The following HTR3B variants were observed in gnomAD, a reference collection of about 807,000 sequenced individuals.
HTR3B encodes 5-hydroxytryptamine (serotonin) receptor 3B, ionotropic.
In HTR3B, 44 loss-of-function variants were observed where a neutral mutation model predicts 42.8. That is an observed-to-expected ratio of 1.03 (90% CI 0.81 to 1.32). The LOEUF is 1.32. HTR3B is among the 40% of genes most tolerant of loss of function. The probability of loss-of-function intolerance (pLI) is 0.00; values close to 1 mark genes in which losing one functional copy is unlikely to be tolerated. For synonymous variants in HTR3B, 203 were observed against 209.0 expected (o/e 0.97, Z 0.25); for missense variants, 527 against 536.5 (o/e 0.98, Z 0.17).
At chr11:113,927,422 G>T (rs763999749) in intron 2 of HTR3B, among the ~76,000 whole-genome samples, 7 of 152,028 alleles carry the variant, frequency 4.6e-5, no homozygotes, top group Non-Finnish European at 8.8e-5. Flanking sequence ...AAATACAGAA[G>T]AATATAATAC....
Position 113,943,025 on chromosome 11 carries a change from T to C in HTR3B, c.740T>C (p.Leu247Pro). The change falls in exon 7 of 9, where the codon CTG (leucine) becomes CCG (proline). Residue 247 changes from leucine to proline, a missense_variant. By Grantham distance (98) the Leu-to-Pro change is moderately conservative (BLOSUM62 -3). Coordinates refer to ENST00000260191, the MANE Select transcript of HTR3B (RefSeq NM_006028.5). Reference sequence around the variant, plus strand: ...CCCCTGGTCTATGTCGTGAGTCTGCTGATTCCTAGCATCTTTCTCATGCTG... The same window carrying C: ...CCCCTGGTCTATGTCGTGAGTCTGCCGATTCCTAGCATCTTTCTCATGCTG... The part of the protein sequence containing the change: ...RHPLVYVVSL[L>P]IPSIFLMLVD... 1 of 1,614,130 alleles carries C rather than the reference T, an allele frequency of 6.2e-7. No homozygotes were observed. Among genetic ancestry groups the C allele is most frequent in the Non-Finnish European group, 8.5e-7 (1 of 1,180,006 alleles).
rs954393165 is a variant in HTR3B, at chr11:113,946,450, G to A, written c.*313G>A. 5.7e-6 allele frequency: 1 copy of A among 176,732 alleles called. No homozygotes were observed. The highest frequency in any genetic ancestry group is 2.4e-5 in the African/African-American group (1 of 41,818). 10.9% of individuals were successfully genotyped at this position (176,732 alleles called of 1,614,324 possible). A position where few individuals can be genotyped will look rare whatever the true frequency, so the allele number is the denominator to read the frequency against. On this transcript the variant is annotated 3_prime_UTR_variant, in exon 9 of 9. Transcript: ENST00000260191. Reference sequence around the variant, plus strand: ...AGGTTGAGGTGGGAGGATTGCTTGAGCCCAGGATTTCAAGGCTGCAGTGAG... The same window carrying A: ...AGGTTGAGGTGGGAGGATTGCTTGAACCCAGGATTTCAAGGCTGCAGTGAG...
intron 6 of HTR3B, among the ~76,000 whole-genome samples, chr11:113,942,215 G>A (rs896526064): frequency 6.6e-6 from 1 of 152,142 alleles, no homozygotes; most frequent in Admixed American, 6.5e-5. Context: ...AGCAGAGCTT[G>A]CAGTGAGCCG....
intron 6 of HTR3B, among the ~76,000 whole-genome samples, chr11:113,937,977 G>A (rs1183833757): frequency 6.6e-6 from 1 of 152,186 alleles, no homozygotes; most frequent in Non-Finnish European, 1.5e-5. Flanking sequence ...CCTCTCCTCT[G>A]CCTCTGGTTG....
intron 5 of HTR3B, among the ~76,000 whole-genome samples, 181 bp downstream of exon 5, chr11:113,932,639 T>C (rs61907912): frequency 0.081 from 8,054 of 99,392 alleles, 271 homozygotes; most frequent in African/African-American, 0.16. Context: ...TAGGCCCCCA[T>C]AGTTGTTTTG....
In HTR3B at chr11:113,905,112, C is replaced by T. The variant is rs555167757; in HGVS notation, c.52+127C>T. The T allele has an allele frequency of 8.2e-5, 55 of 667,048 alleles. 3 individuals are homozygous for T. The South Asian group carries it at 1.0e-3, about 13-fold the overall frequency. The allele number at this position is 667,048 out of a possible 1,614,324, so 41.3% of individuals were successfully genotyped here. The stretch of plus-strand genomic sequence containing the variant: ...GTTTTTATTCATCGTCTGTAAAATG[C>T]CAGTCCTGTGAAGCTATATGGAAAA... On this transcript the variant is annotated intron_variant, in intron 1 of 8. Transcript: ENST00000260191.
At chr11:113,903,449 A>C (rs1404556064), upstream of HTR3B, among the ~76,000 whole-genome samples, 1 of 77,870 alleles carries the variant, frequency 1.3e-5, no homozygotes, top group Non-Finnish European at 2.4e-5. Flanking sequence ...TTTTTTTTTG[A>C]GGCGGAGTCT....
chr11:113,900,036 G>A (rs932678546), upstream of HTR3B, among the ~76,000 whole-genome samples: 1 of 152,116 alleles, frequency 6.6e-6, no homozygotes, highest in Admixed American at 6.5e-5. Context: ...GGAGGCCGAG[G>A]CAGGTGGATC....
In HTR3B at chr11:113,943,202, C is replaced by T. The variant is rs372054196; in HGVS notation, c.907+10C>T. On this transcript the variant is annotated intron_variant, in intron 7 of 8. Coordinates refer to ENST00000260191, the MANE Select transcript of HTR3B (RefSeq NM_006028.5). ...AGCACCCCTCTGATTGGTAAGCAGC[C>T]TCGGGGTCACTGGACACTCATCTTA... 4 of 1,601,208 alleles carry T rather than the reference C, an allele frequency of 2.5e-6. No homozygotes were observed. Among genetic ancestry groups the T allele is most frequent in the Non-Finnish European group, 8.5e-7 (1 of 1,170,260 alleles).
At chr11:113,929,874 AG>A (rs903712648) in intron 2 of HTR3B, among the ~76,000 whole-genome samples, 4 of 152,044 alleles carry the variant, frequency 2.6e-5, no homozygotes, top group African/African-American at 9.7e-5. Context: ...CTGGGACTAC[AG>A]GCGCCCACGA....
intron 2 of HTR3B, among the ~76,000 whole-genome samples, chr11:113,922,911 T>A (rs888740131): frequency 1.3e-5 from 2 of 152,246 alleles, no homozygotes; most frequent in Non-Finnish European, 2.9e-5. Context: ...TATGCCCTAA[T>A]GTAGTGTATG....
intron 2 of HTR3B, among the ~76,000 whole-genome samples, chr11:113,917,049 C>T (rs940700748): frequency 1.3e-5 from 2 of 151,930 alleles, no homozygotes; most frequent in African/African-American, 4.8e-5. Flanking sequence ...TGACTAGGGC[C>T]TCCAGTACAA....
chr11:113,932,810 AG>A (rs1393263899), intron 5 of HTR3B, 125 bp from the exon 6 acceptor site: 1 of 901,664 alleles, frequency 1.1e-6, no homozygotes, highest in Admixed American at 2.4e-5. Flanking sequence ...AATTCAAATA[AG>A]GCCAAGGAGA....
intron 1 of HTR3B, among the ~76,000 whole-genome samples, chr11:113,906,975 A>G (rs1006856942): frequency 6.6e-6 from 1 of 152,226 alleles, no homozygotes; most frequent in Admixed American, 6.5e-5. Flanking sequence ...TAACTCTCTT[A>G]TAATCCTACA....
Position 113,933,093 on chromosome 11 carries a change from T to G in HTR3B, c.696T>G (p.Asn232Lys), listed in dbSNP as rs150995847. 3.4e-5 allele frequency: 55 copies of G among 1,612,520 alleles called. No homozygotes were observed. Among genetic ancestry groups the G allele is most frequent in the African/African-American group, 5.3e-5 (4 of 74,906 alleles). Residue 232 changes from asparagine to lysine, a missense_variant and splice_region_variant, in exon 6 of 9, where the codon AAT becomes AAG. By Grantham distance (94) the Asn-to-Lys change is moderately conservative (BLOSUM62 0). Coordinates refer to ENST00000260191, the MANE Select transcript of HTR3B (RefSeq NM_006028.5). The stretch of plus-strand genomic sequence containing the variant: ...GAGGATTTGCACAGATTCAGTTTAA[T>G]GTAGGTTCTTTACTACCTGTCCCCG... ...SAGGFAQIQF[N>K]VVMRRHPLVY...
intron 2 of HTR3B, among the ~76,000 whole-genome samples, chr11:113,917,429 G>A (rs1470675702): frequency 6.6e-6 from 1 of 151,924 alleles, no homozygotes; most frequent in Non-Finnish European, 1.5e-5. Flanking sequence ...CACTGCACCC[G>A]GCCGAAATCT....
chr11:113,925,785 A>C (rs563086399), intron 2 of HTR3B, among the ~76,000 whole-genome samples: 1 of 152,224 alleles, frequency 6.6e-6, no homozygotes, highest in African/African-American at 2.4e-5. Flanking sequence ...AGTATGCATC[A>C]GACTTCTTAT....
Position 113,935,413 on chromosome 11 carries a change from G to A in HTR3B, c.696+2320G>A, listed in dbSNP as rs74489631. Among the ~76,000 whole-genome samples the A allele has an allele frequency of 6.6e-3, 1,003 of 152,174 alleles. 12 individuals are homozygous for A. The highest frequency in any genetic ancestry group is 0.023 in the African/African-American group (945 of 41,516). ...TCTAGCAGGGCTGGCCTCTGCCCTG[G>A]TCCTCAGGAGCAGAGTAGGGAGAGA... is the stretch of plus-strand genomic sequence containing the variant. On this transcript the variant is annotated intron_variant, in intron 6 of 8. Coordinates refer to ENST00000260191, the MANE Select transcript of HTR3B (RefSeq NM_006028.5).
chr11:113,924,370 C>A (rs1156244613), intron 2 of HTR3B, among the ~76,000 whole-genome samples: 1 of 152,026 alleles, frequency 6.6e-6, no homozygotes, highest in Non-Finnish European at 1.5e-5. Flanking sequence ...AATCCTAGCA[C>A]TTTGGGAGGC....
Sources: allele counts gnomAD v4.1 joint callset (sites outside exome capture counted in the v4.1 genomes callset), GRCh38; gene constraint gnomAD v4.1.1; transcripts MANE v1.5; gene names NCBI Gene and HGNC (gene_info 2026-07-23, HGNC 2026-07-21).